Variants in NOL3 observed in about 807,000 individuals in gnomAD.
The protein encoded by NOL3 is nucleolar protein 3.
A neutral mutation model predicts 19.2 loss-of-function variants in NOL3; 18 were observed. The ratio of observed to expected loss-of-function variants is 0.94; its 90% CI spans 0.65 to 1.39. The LOEUF is 1.39. Among genes scored for constraint, NOL3 ranks in the 40% most tolerant of loss-of-function variants. NOL3 has a pLI of 0.00. For missense variants in NOL3, 290 were observed against 289.5 expected (o/e 1.00, Z -0.01); for synonymous variants, 127 against 137.3 (o/e 0.93, Z 0.52).
At chr16:67,175,543 G>A (rs1005942408) in exon 4 of NOL3, 4 of 172,968 alleles carry the variant, frequency 2.3e-5, no homozygotes, top group Non-Finnish European at 4.8e-5. Flanking sequence ...GCCTTGGGAA[G>A]TGAGACTAGA....
At chr16:67,173,810 C>T (rs1238478349) in intron 1 of NOL3, 2 of 1,477,314 alleles carry the variant, frequency 1.4e-6, no homozygotes, top group African/African-American at 1.4e-5. Context: ...GAACTCGCCT[C>T]GGATTTGCCG....
At chr16:67,175,133 C>T (rs1419834842) in exon 4 of NOL3, 1 of 1,613,268 alleles carries the variant, frequency 6.2e-7, no homozygotes, top group Non-Finnish European at 8.5e-7. Flanking sequence ...TCGGATGCCA[C>T]CAAGGCTCGG....
chr16:67,174,475 G>C lies in NOL3; in HGVS notation c.295+11G>C, dbSNP rs930606202. The C allele has an allele frequency of 1.3e-5, 19 of 1,480,968 alleles. No individual in the cohort carries two copies. Among genetic ancestry groups the C allele is most frequent in the Non-Finnish European group, 1.7e-5 (19 of 1,122,668 alleles). 91.7% of individuals were successfully genotyped at this position (1,480,968 alleles called of 1,614,324 possible). On this transcript the variant is annotated intron_variant, in intron 2 of 3. Coordinates refer to ENST00000268605, the Ensembl canonical transcript of NOL3. ...AGCACGTGGGTCCGGGTGAGCGCGCGGGGCGGGGCCTAGGGCAGAGCAGGG... is the reference window on the plus strand; with the variant it reads ...AGCACGTGGGTCCGGGTGAGCGCGCCGGGCGGGGCCTAGGGCAGAGCAGGG...
At chr16:67,175,011 C>T (rs745425129) in intron 3 of NOL3, 36 bp from the exon 4 acceptor site, 117 of 1,612,802 alleles carry the variant, frequency 7.3e-5, no homozygotes, top group Non-Finnish European at 8.6e-5. Flanking sequence ...GGATGCCGGA[C>T]CCCACCTCTT....
At position 67,174,146 on chromosome 16, in the gene NOL3, C is replaced by A. The variant is rs1288262188; in HGVS notation, c.-8-16C>A. 1 of 1,605,086 alleles carries A rather than the reference C, an allele frequency of 6.2e-7. No individual in the cohort carries two copies. Among genetic ancestry groups the A allele is most frequent in the Admixed American group, 1.7e-5 (1 of 59,672 alleles). ...AGGGCAACCCCCCATTACTTCTCTCCCCTTTCCCCATGCAGCCCCGACAAT... is the reference window on the plus strand; with the variant it reads ...AGGGCAACCCCCCATTACTTCTCTCACCTTTCCCCATGCAGCCCCGACAAT... On this transcript the variant is annotated splice_polypyrimidine_tract_variant and intron_variant, in intron 1 of 3. Transcript: ENST00000268605.
chr16:67,174,576 G>T (rs751013195), intron 2 of NOL3, 45 bp from the exon 3 acceptor site: 1 of 1,510,754 alleles, frequency 6.6e-7, no homozygotes. Context: ...GTGTGAAACC[G>T]CACAGGGGTA....
rs2032118179 is a variant in NOL3 at position 67,175,358 on chromosome 16, G to A, written c.*304G>A. 2.3e-6 allele frequency: 3 copies of A among 1,281,776 alleles called. No homozygotes were observed. In the African/African-American group the frequency reaches 4.5e-5, roughly 19 times the overall value. 79.4% of individuals were successfully genotyped at this position (1,281,776 alleles called of 1,614,324 possible). A position where few individuals can be genotyped will look rare whatever the true frequency, so the allele number is the denominator to read the frequency against. ...CTGCACCCTGGAGATCCCAAACCTA[G>A]CCCCCTAGTGGGACAAGGACCTGAC... On this transcript the variant is annotated 3_prime_UTR_variant, in exon 4 of 4. Coordinates refer to ENST00000268605, the Ensembl canonical transcript of NOL3.
At chr16:67,174,716 T>C in exon 3 of NOL3, 1 of 1,610,882 alleles carries the variant, frequency 6.2e-7, no homozygotes, top group Non-Finnish European at 8.5e-7. Flanking sequence ...GCCCAGAGCT[T>C]CAGACCCTGA....
At chr16:67,175,209 C>T in exon 4 of NOL3, 1 of 1,526,474 alleles carries the variant, frequency 6.6e-7, no homozygotes. Flanking sequence ...GCTCTCTCCA[C>T]GATTCTGGCT....
intron 1 of NOL3, 104 bp from the exon 2 acceptor site, chr16:67,174,058 C>A: frequency 6.4e-7 from 1 of 1,569,532 alleles, no homozygotes; most frequent in Non-Finnish European, 8.6e-7. Context: ...TGAACTTAAA[C>A]CCCAGCCTGG....
intron 2 of NOL3, 51 bp downstream of exon 2, chr16:67,174,515 G>T: frequency 6.8e-7 from 1 of 1,467,574 alleles, no homozygotes; most frequent in Non-Finnish European, 9.0e-7. Context: ...GGCTGGGGCA[G>T]ACAAAAGGCC....
At chr16:67,174,427 G>A (rs1194308306) in exon 2 of NOL3, 1 of 1,519,894 alleles carries the variant, frequency 6.6e-7, no homozygotes. Context: ...CCGCGGGCGC[G>A]CCGGACCCCG....
At chr16:67,173,914 G>C (rs1487280601) in intron 1 of NOL3, 5 of 1,536,018 alleles carry the variant, frequency 3.3e-6, no homozygotes, top group Non-Finnish European at 4.4e-6. Context: ...AGCCACGGCT[G>C]ACGCTTGGGG....
In NOL3 at chr16:67,175,035, C is replaced by T. The variant is rs181139137; in HGVS notation, c.620-12C>T. The T allele has an allele frequency of 1.2e-5, 20 of 1,614,122 alleles. No individual in the cohort carries two copies. The Admixed American group carries it at 2.8e-4, about 23-fold the overall frequency. On this transcript the variant is annotated splice_polypyrimidine_tract_variant and intron_variant, in intron 3 of 3. Transcript: ENST00000268605. ...ACCCCACCTCTTTGACCACTGTTCC[C>T]GTCATCTCTAGATTCCTGAAGGCCA...
chr16:67,175,541 A>C (rs887421993), exon 4 of NOL3: 2 of 173,204 alleles, frequency 1.2e-5, no homozygotes, highest in Non-Finnish European at 2.4e-5. Context: ...CAGCCTTGGG[A>C]AGTGAGACTA....
exon 3 of NOL3, chr16:67,174,670 G>A: frequency 1.3e-6 from 2 of 1,585,166 alleles, no homozygotes; most frequent in Admixed American, 1.8e-5. Context: ...ACTGGACGCC[G>A]GAGGCACCCG....
exon 2 of NOL3, chr16:67,174,244 G>C: frequency 3.7e-6 from 6 of 1,612,842 alleles, no homozygotes; most frequent in Non-Finnish European, 5.1e-6. Context: ...CGCTGCAGGC[G>C]GACTCGGGAC....
At chr16:67,174,084 A>G (rs1389613001) in intron 1 of NOL3, 78 bp from the exon 2 acceptor site, 1 of 1,594,934 alleles carries the variant, frequency 6.3e-7, no homozygotes, top group Non-Finnish European at 8.5e-7. Flanking sequence ...CACTGGGGGC[A>G]TTGAGGGAGT....
intron 1 of NOL3, chr16:67,173,116 C>A (rs947315529): frequency 2.7e-5 from 4 of 146,886 alleles, no homozygotes; most frequent in Non-Finnish European, 4.5e-5. Context: ...AAAAAAAAGT[C>A]TCTCAAAATA....
Sources: gnomAD v4.1 joint callset for allele counts on GRCh38, gnomAD v4.1.1 for gene constraint, MANE v1.5 for transcripts, NCBI Gene and HGNC (gene_info 2026-07-23, HGNC 2026-07-21) for gene names.